Variants in TTLL11 observed in about 807,000 individuals in gnomAD.
TTLL11 encodes the protein tubulin tyrosine ligase like 11.
Under a neutral mutation model 51.7 loss-of-function variants are expected in TTLL11, and 42 were observed. That is an observed-to-expected ratio of 0.81 (90% confidence interval 0.64 to 1.05). The LOEUF (loss-of-function observed/expected upper bound fraction) is 1.05. Ranked by LOEUF, TTLL11 falls within the 50% of genes least tolerant of loss-of-function variation. TTLL11 has a pLI of 0.00. For synonymous variants in TTLL11, 381 were observed against 383.5 expected (o/e 0.99, Z 0.08); for missense variants, 799 against 940.4 (o/e 0.85, Z 1.97).
chr9:122,066,936 C>T (rs1588252992), intron 1 of TTLL11, among the ~76,000 whole-genome samples: 1 of 152,086 alleles, frequency 6.6e-6, no homozygotes, highest in Non-Finnish European at 1.5e-5. Context: ...CTTATAAAAC[C>T]ATCAGATCTC....
intron 1 of TTLL11, among the ~76,000 whole-genome samples, chr9:122,067,607 G>C (rs1230314756): frequency 6.6e-6 from 1 of 152,066 alleles, no homozygotes; most frequent in Non-Finnish European, 1.5e-5. Context: ...CTGCAGCCAG[G>C]ATCTTCTGCC....
rs186103120 is a variant in TTLL11 at position 121,819,672 on chromosome 9, G to A, written c.*2915C>T. 1.7e-4 allele frequency among the ~76,000 whole-genome samples: 26 copies of A among 152,238 alleles called. No homozygotes were observed. The East Asian group carries it at 4.5e-3, about 26-fold the overall frequency. On this transcript the variant is annotated 3_prime_UTR_variant, in exon 9 of 9. Transcript: ENST00000321582. ...GGATCCTGAGGGCGCTTGCAGGGAT[G>A]GGGCTTATCCTGCAGCAAAGCACAG...
intron 3 of TTLL11, among the ~76,000 whole-genome samples, chr9:122,024,465 C>T (rs577864188): frequency 6.6e-6 from 1 of 152,188 alleles, no homozygotes; most frequent in African/African-American, 2.4e-5. Context: ...TGATCAAAGA[C>T]TACAATAGCC....
At position 121,974,954 on chromosome 9, in the gene TTLL11, A is replaced by C. The variant is rs188515711; in HGVS notation, c.1295T>G (p.Met432Arg). ...FQILGFDILL[M>R]KNLKPILLEV... ...AAGTAGTATAGGCTTCAGATTTTTCATTAGAAGAATGTCAAAGCCTAAAAT... is the reference window on the plus strand; with the variant it reads ...AAGTAGTATAGGCTTCAGATTTTTCCTTAGAAGAATGTCAAAGCCTAAAAT... The change falls in exon 5 of 9, where the codon ATG (methionine) becomes AGG (arginine). Residue 432 changes from methionine to arginine, a missense_variant. Physicochemically the swap from Met to Arg is moderately conservative, Grantham distance 91. Transcript: ENST00000321582. 6.1e-5 allele frequency: 94 copies of C among 1,536,998 alleles called. No homozygotes were observed. Among genetic ancestry groups the C allele is most frequent in the Middle Eastern group, 5.0e-4 (3 of 5,960 alleles).
chr9:121,929,144 A>G (rs1025627213), intron 6 of TTLL11, among the ~76,000 whole-genome samples: 3 of 152,092 alleles, frequency 2.0e-5, no homozygotes, highest in African/African-American at 7.2e-5. Flanking sequence ...AACTTTCCAT[A>G]AAAGTTACAC....
At chr9:121,855,873 C>T (rs80146951) in intron 8 of TTLL11, among the ~76,000 whole-genome samples, 2,164 of 152,282 alleles carry the variant, frequency 0.014, 23 homozygotes, top group African/African-American at 0.033. Flanking sequence ...TCACAGCATG[C>T]TACGTGCCTT....
chr9:121,912,739 C>T (rs1051355880), intron 6 of TTLL11, among the ~76,000 whole-genome samples: 5 of 151,512 alleles, frequency 3.3e-5, no homozygotes, highest in Admixed American at 2.0e-4. Flanking sequence ...TCAACACATA[C>T]ATGATATCAA....
At chr9:121,999,227 G>A (rs1470716738) in intron 3 of TTLL11, among the ~76,000 whole-genome samples, 1 of 152,172 alleles carries the variant, frequency 6.6e-6, no homozygotes, top group African/African-American at 2.4e-5. Flanking sequence ...CTAATCCTGG[G>A]TGATGCCAAC....
chr9:122,039,304 T>G lies in TTLL11; in HGVS notation c.527A>C (p.Asp176Ala). The G allele has an allele frequency of 6.2e-7, 1 of 1,614,022 alleles. No individual in the cohort carries two copies. The highest frequency in any genetic ancestry group is 8.5e-7 in the Non-Finnish European group (1 of 1,179,942). ...CTTGTTCACTTGACCGGAGAATATG[T>G]CATTGTCGTGAAATGAAACTCCATG... ...YWHGVSFHDN[D>A]IFSGQVNKFP... The change falls in exon 2 of 9, where the codon GAC (aspartate) becomes GCC (alanine). Residue 176 changes from aspartate to alanine, a missense_variant. Asp to Ala is a moderately radical substitution (Grantham distance 126, BLOSUM62 -2). This residue lies in a region of TTLL11 where 468 missense variants were observed against 612.8 expected (regional missense o/e 0.76). Transcript: ENST00000321582.
chr9:121,960,623 T>C (rs1842190931), intron 6 of TTLL11, among the ~76,000 whole-genome samples: 1 of 152,138 alleles, frequency 6.6e-6, no homozygotes, highest in South Asian at 2.1e-4. Flanking sequence ...GCACAGAACC[T>C]ACATGTAGCA....
intron 1 of TTLL11, among the ~76,000 whole-genome samples, chr9:122,052,164 C>T (rs1311602906): frequency 2.0e-5 from 3 of 152,202 alleles, no homozygotes; most frequent in African/African-American, 7.2e-5. Flanking sequence ...AGGCATGTCC[C>T]TTTCAGGCCT....
intron 6 of TTLL11, among the ~76,000 whole-genome samples, chr9:121,920,210 G>A (rs1840482105): frequency 6.6e-6 from 1 of 152,202 alleles, no homozygotes; most frequent in African/African-American, 2.4e-5. Flanking sequence ...GGCTAAGGTG[G>A]GAGAATCACC....
chr9:121,900,602 T>G (rs11787965), intron 6 of TTLL11, among the ~76,000 whole-genome samples: 69,746 of 151,928 alleles, frequency 0.46, 16,597 homozygotes, highest in South Asian at 0.58. Context: ...TATTATCTCC[T>G]TCTGGAACTC....
chr9:122,079,071 T>A (rs1845935680), intron 1 of TTLL11, among the ~76,000 whole-genome samples: 1 of 152,198 alleles, frequency 6.6e-6, no homozygotes, highest in Non-Finnish European at 1.5e-5. Context: ...TGTGCACATA[T>A]GTTTTCGTTT....
intron 6 of TTLL11, among the ~76,000 whole-genome samples, chr9:121,874,307 C>T (rs1239423607): frequency 6.6e-6 from 1 of 152,190 alleles, no homozygotes; most frequent in Admixed American, 6.5e-5. Context: ...CCCACCACCC[C>T]ATTATTCAAA....
intron 4 of TTLL11, among the ~76,000 whole-genome samples, chr9:121,978,488 T>G (rs1842763796): frequency 8.3e-6 from 1 of 120,992 alleles, no homozygotes; most frequent in African/African-American, 3.3e-5. Context: ...TTTATTTATT[T>G]ATTTATTGAA....
At chr9:121,831,699 C>CAAAAAAAAAAAAAAA (rs35519622) in intron 8 of TTLL11, among the ~76,000 whole-genome samples, 4 of 133,406 alleles carry the variant, frequency 3.0e-5, no homozygotes, top group African/African-American at 1.1e-4. Flanking sequence ...GACTCTGTCT[C>CAAAAAAAAAAAAAAA]AAAAAAAAAA....
Position 122,042,356 on chromosome 9 carries a change from A to G in TTLL11, c.463-2988T>C, listed in dbSNP as rs558183005. On this transcript the variant is annotated intron_variant, in intron 1 of 8. Coordinates refer to ENST00000321582, the MANE Select transcript of TTLL11 (RefSeq NM_001139442.2). ...CAAAGCTACAGTAATCAAATAGTGTATACAATCACAATGAGATACCACCAG... is the reference window on the plus strand; with the variant it reads ...CAAAGCTACAGTAATCAAATAGTGTGTACAATCACAATGAGATACCACCAG... Among the ~76,000 whole-genome samples, 9 of 152,360 alleles carry G rather than the reference A, an allele frequency of 5.9e-5. No individual in the cohort carries two copies. In the East Asian group the frequency reaches 9.6e-4, roughly 16 times the overall value.
rs920487751 is a variant in TTLL11 at position 121,914,880 on chromosome 9, C to T, written c.1482-44132G>A. ...AAGGAGAGAGGACTAGAGTCAGGAA[C>T]CTGTGTCACTGTGCTCCTGGGGTCC... is the stretch of plus-strand genomic sequence containing the variant. On this transcript the variant is annotated intron_variant, in intron 6 of 8. Coordinates refer to ENST00000321582, the MANE Select transcript of TTLL11 (RefSeq NM_001139442.2). 2.0e-5 allele frequency among the ~76,000 whole-genome samples: 3 copies of T among 152,188 alleles called. No homozygotes were observed. The South Asian group carries it at 6.2e-4, about 32-fold the overall frequency.
Sources: gnomAD v4.1 joint callset for allele counts (sites outside exome capture counted in the v4.1 genomes callset) on GRCh38, gnomAD v4.1.1 for gene constraint, gnomAD v4.1.1 regional missense constraint, MANE v1.5 for transcripts, NCBI Gene and HGNC (gene_info 2026-07-23, HGNC 2026-07-21) for gene names.